Variants in CELF3 observed in about 807,000 individuals in gnomAD.
CELF3 encodes the protein CAG repeat domain.
In CELF3, 26 loss-of-function variants were observed where a neutral mutation model predicts 59.6. That is an observed-to-expected ratio of 0.44 (90% CI 0.32 to 0.61). The LOEUF is 0.61. Among genes scored for constraint, CELF3 ranks in the 20% least tolerant of loss-of-function variants. The pLI is 0.06. For synonymous variants in CELF3, 245 were observed against 250.7 expected, an observed-to-expected ratio of 0.98 and a Z score of 0.22; for missense variants, 387 against 627.2, an observed-to-expected ratio of 0.62 and a Z score of 4.09.
Position 151,707,667 on chromosome 1 carries a change from A to T in CELF3, c.631-19T>A. ...GCATCAGCTGGGGGGAGGGGAGAGG[A>T]GAGTGGGGCAGGCCCCCTGTGCCCA... On this transcript the variant is annotated intron_variant, in intron 6 of 12. Transcript: ENST00000290583. 2.2e-5 allele frequency: 36 copies of T among 1,601,702 alleles called. No homozygotes were observed. The highest frequency in any genetic ancestry group is 3.0e-5 in the Non-Finnish European group (35 of 1,176,264).
In CELF3 at chr1:151,702,061, C is replaced by T. The variant is rs1672111747; in HGVS notation, c.*1398G>A. 6.6e-6 allele frequency among the ~76,000 whole-genome samples: 1 copy of T among 152,238 alleles called. No homozygotes were observed. Among genetic ancestry groups the T allele is most frequent in the Non-Finnish European group, 1.5e-5 (1 of 68,042 alleles). ...TAGTAAATGGTGGTGTCACAACTGG[C>T]TCCCAGTATCCACACTGGCCTCTGT... On this transcript the variant is annotated 3_prime_UTR_variant, in exon 13 of 13. Transcript: ENST00000290583.
chr1:151,707,421 C>A lies in CELF3; in HGVS notation c.772+86G>T, dbSNP rs931378467. 7.0e-6 allele frequency: 11 copies of A among 1,568,940 alleles called. No homozygotes were observed. The Admixed American group carries it at 2.0e-4, about 29-fold the overall frequency. ...CTCTGACCCCTGAGTCCCTCCCAGACCCCGAGGCTTCCCTGAGCAATGCCC... is the reference window on the plus strand; with the variant it reads ...CTCTGACCCCTGAGTCCCTCCCAGAACCCGAGGCTTCCCTGAGCAATGCCC... On this transcript the variant is annotated intron_variant, in intron 7 of 12. Transcript: ENST00000290583.
Position 151,705,125 on chromosome 1 carries a change from G to A in CELF3, c.1314C>T (p.Ile438=), listed in dbSNP as rs1460969700. 1.2e-6 allele frequency: 2 copies of A among 1,614,006 alleles called. No individual in the cohort carries two copies. The highest frequency in any genetic ancestry group is 1.1e-5 in the South Asian group (1 of 91,068). The stretch of plus-strand genomic sequence containing the variant: ...CGATCTGGAAGCCATTCATGGCCTG[G>A]ATGGCAGCCTGGGCACTGGCCGGAT... ...FDNPASAQAA[I]QAMNGFQIGM... The change falls in exon 12 of 13, where the codon ATC becomes ATT. Residue 438 remains isoleucine (I), a synonymous_variant. Coordinates refer to ENST00000290583, the MANE Select transcript of CELF3 (RefSeq NM_007185.7). This position sits in a 1 kb window ranked among gnomAD's most constrained non-coding sequence, Gnocchi z 5.1.
At position 151,705,245 on chromosome 1, in the gene CELF3, T is replaced by G; in HGVS notation, c.1271-77A>C. 6.8e-7 allele frequency: 1 copy of G among 1,481,302 alleles called. No homozygotes were observed. Among genetic ancestry groups the G allele is most frequent in the East Asian group, 2.3e-5 (1 of 43,168 alleles). The allele number at this position is 1,481,302 out of a possible 1,614,324, so 91.8% of individuals were successfully genotyped here. The stretch of plus-strand genomic sequence containing the variant: ...GCTTAGGAGACCTCTGGCACTACCC[T>G]GTGTCTCCCAAGTGTCCCAAATGCC... On this transcript the variant is annotated intron_variant, in intron 11 of 12. Coordinates refer to ENST00000290583, the MANE Select transcript of CELF3 (RefSeq NM_007185.7). The surrounding 1 kb of genome is among the most constrained non-coding windows in gnomAD (Gnocchi z 5.1).
At chr1:151,708,301 C>A (rs538042802) in intron 5 of CELF3, 8 of 230,436 alleles carry the variant, frequency 3.5e-5, no homozygotes, top group African/African-American at 1.6e-4. Flanking sequence ...AGCTGCCCTG[C>A]GTGCCTTACC....
chr1:151,703,104 C>G lies in CELF3; in HGVS notation c.*355G>C, dbSNP rs766208349. 6.4e-5 allele frequency: 29 copies of G among 455,812 alleles called. No homozygotes were observed. The highest frequency in any genetic ancestry group is 1.1e-4 in the Non-Finnish European group (26 of 226,700). 28.2% of individuals were successfully genotyped at this position (455,812 alleles called of 1,614,324 possible). ...TCTCCTGGGGCCTGCACGGGTAGAACAGGCCCACTGTTGGGGGAGGCAAGT... is the reference window on the plus strand; with the variant it reads ...TCTCCTGGGGCCTGCACGGGTAGAAGAGGCCCACTGTTGGGGGAGGCAAGT... On this transcript the variant is annotated 3_prime_UTR_variant, in exon 13 of 13. Transcript: ENST00000290583.
Position 151,705,790 on chromosome 1 carries a change from A to G in CELF3, c.1270+32T>C, listed in dbSNP as rs762980314. ...ATTAGACCTTGTCCTGATTTGGAGTATGGCAAAAAATGTGCCATATCATAT... is the reference window on the plus strand; with the variant it reads ...ATTAGACCTTGTCCTGATTTGGAGTGTGGCAAAAAATGTGCCATATCATAT... On this transcript the variant is annotated intron_variant, in intron 11 of 12. Transcript: ENST00000290583. This position sits in a 1 kb window ranked among gnomAD's most constrained non-coding sequence, Gnocchi z 5.1. 1.2e-6 allele frequency: 2 copies of G among 1,610,878 alleles called. No homozygotes were observed. Among genetic ancestry groups the G allele is most frequent in the East Asian group, 2.2e-5 (1 of 44,824 alleles).
rs185408029 is a variant in CELF3, at chr1:151,700,761, G to A, written c.*2698C>T. 9.2e-5 allele frequency among the ~76,000 whole-genome samples: 14 copies of A among 152,328 alleles called. No individual in the cohort carries two copies. The highest frequency in any genetic ancestry group is 6.5e-4 in the Admixed American group (10 of 15,288). On this transcript the variant is annotated 3_prime_UTR_variant, in exon 13 of 13. Transcript: ENST00000290583. ...TGATTTAATACCATTGAGTTTATGCGAAAGTACTAAAAACTCTTGAGGTTT... is the reference window on the plus strand; with the variant it reads ...TGATTTAATACCATTGAGTTTATGCAAAAGTACTAAAAACTCTTGAGGTTT...
At position 151,715,927 on chromosome 1, in the gene CELF3, G is replaced by C; in HGVS notation, c.94C>G (p.Arg32Gly). ...TTGATGACAGTCAGCTCAAAGATCCGACCAAACTGTTCGAAGATGGGCTTC... is the reference window on the plus strand; with the variant it reads ...TTGATGACAGTCAGCTCAAAGATCCCACCAAACTGTTCGAAGATGGGCTTC... ...DLKPIFEQFG[R>G]IFELTVIKDK... Residue 32 changes from arginine (R) to glycine (G), a missense_variant, in exon 1 of 13, where the codon CGG becomes GGG. This residue lies in a region of CELF3 where 208 missense variants were observed against 354.8 expected (regional missense o/e 0.59). Coordinates refer to ENST00000290583, the MANE Select transcript of CELF3 (RefSeq NM_007185.7). The C allele has an allele frequency of 6.2e-7, 1 of 1,614,106 alleles. No individual in the cohort carries two copies. Among genetic ancestry groups the C allele is most frequent in the Non-Finnish European group, 8.5e-7 (1 of 1,180,002 alleles).
At position 151,700,937 on chromosome 1, in the gene CELF3, T is replaced by C. The variant is rs1054204811; in HGVS notation, c.*2522A>G. 8.5e-5 allele frequency: 13 copies of C among 152,340 alleles called. 1 individual carries two copies. In the East Asian group the frequency reaches 9.6e-4, roughly 11 times the overall value. The allele number at this position is 152,340 out of a possible 1,614,324, so 9.4% of individuals were successfully genotyped here. On this transcript the variant is annotated 3_prime_UTR_variant, in exon 13 of 13. Coordinates refer to ENST00000290583, the MANE Select transcript of CELF3 (RefSeq NM_007185.7). ...CTTATTTACTAAGCAATGTCTAATA[T>C]TTGGGGCACTGTTTAGGGTGACCAG...
At position 151,707,131 on chromosome 1, in the gene CELF3, G is replaced by A. The variant is rs1173679605; in HGVS notation, c.922+14C>T. ...ATGGTTGCTGGGACGGAGTGGGCAG[G>A]CAGAGAGTCCCACCTGGGTAGGGGT... On this transcript the variant is annotated intron_variant, in intron 8 of 12. Transcript: ENST00000290583. 3 of 1,471,718 alleles carry A rather than the reference G, an allele frequency of 2.0e-6. No individual in the cohort carries two copies. Among genetic ancestry groups the A allele is most frequent in the Admixed American group, 2.9e-5 (1 of 34,136 alleles). The allele number at this position is 1,471,718 out of a possible 1,614,324, so 91.2% of individuals were successfully genotyped here.
In CELF3 at chr1:151,708,725, G is replaced by A. The variant is rs565515300; in HGVS notation, c.486+273C>T. Reference sequence around the variant, plus strand: ...GATATGGGAAGGCTGGAGAAGAGACGGGGGTGAAGGGAGGGCTGGGGAATG... The same window carrying A: ...GATATGGGAAGGCTGGAGAAGAGACAGGGGTGAAGGGAGGGCTGGGGAATG... On this transcript the variant is annotated intron_variant, in intron 5 of 12. Coordinates refer to ENST00000290583, the MANE Select transcript of CELF3 (RefSeq NM_007185.7). Among the ~76,000 whole-genome samples, 40 of 152,060 alleles carry A rather than the reference G, an allele frequency of 2.6e-4. 1 individual carries two copies. The highest frequency in any genetic ancestry group is 9.2e-4 in the African/African-American group (38 of 41,450).
chr1:151,714,203 C>G (rs540073825), intron 2 of CELF3, among the ~76,000 whole-genome samples: 1 of 152,198 alleles, frequency 6.6e-6, no homozygotes, highest in East Asian at 1.9e-4. Flanking sequence ...TCACAGCCAC[C>G]CAGCCTGCCT....
In CELF3 at chr1:151,701,225, A is replaced by T. The variant is rs563072694; in HGVS notation, c.*2234T>A. ...GAGGAGACATGAGAGAAAGGGTGTAATCCAAGTTTTGGCTTGAGTAGGTAC... is the reference window on the plus strand; with the variant it reads ...GAGGAGACATGAGAGAAAGGGTGTATTCCAAGTTTTGGCTTGAGTAGGTAC... On this transcript the variant is annotated 3_prime_UTR_variant, in exon 13 of 13. Coordinates refer to ENST00000290583, the MANE Select transcript of CELF3 (RefSeq NM_007185.7). The T allele has an allele frequency of 4.2e-4, 64 of 152,316 alleles. No individual in the cohort carries two copies. The highest frequency in any genetic ancestry group is 1.5e-3 in the African/African-American group (64 of 41,556). 9.4% of individuals were successfully genotyped at this position (152,316 alleles called of 1,614,324 possible). A position where few individuals can be genotyped will look rare whatever the true frequency, so the allele number is the denominator to read the frequency against.
chr1:151,705,821 C>T lies in CELF3; in HGVS notation c.1270+1G>A. 1 of 1,613,976 alleles carries T rather than the reference C, an allele frequency of 6.2e-7. No homozygotes were observed. Among genetic ancestry groups the T allele is most frequent in the Non-Finnish European group, 8.5e-7 (1 of 1,179,954 alleles). ...AAAAATGTGCCATATCATATTCTTA[C>T]CAAAACATTTGCTTTGATTGGTGGC... On this transcript the variant is annotated splice_donor_variant, in intron 11 of 12. Coordinates refer to ENST00000290583, the MANE Select transcript of CELF3 (RefSeq NM_007185.7). LOFTEE classifies it high-confidence loss of function. This position sits in a 1 kb window ranked among gnomAD's most constrained non-coding sequence, Gnocchi z 5.1.
At chr1:151,706,539 G>A (rs1441834733) in intron 9 of CELF3, 130 bp downstream of exon 9, 4 of 1,228,878 alleles carry the variant, frequency 3.3e-6, no homozygotes, top group Non-Finnish European at 3.5e-6. Context: ...CCTCCCCACA[G>A]TTGGGCTTGT....
intron 10 of CELF3, 51 bp from the exon 11 acceptor site, chr1:151,706,016 AC>A: frequency 1.9e-6 from 3 of 1,607,118 alleles, no homozygotes; most frequent in Non-Finnish European, 2.6e-6. Context: ...GGAGGCACAC[AC>A]CCCAGAAGCA....
rs1386421123 is a variant in CELF3, at chr1:151,709,077, C to T, written c.407G>A (p.Gly136Asp). The stretch of plus-strand genomic sequence containing the variant: ...GGTCTGGAACTTCACGAAGGCGCAG[C>T]CTGGAGAGGTTGAGATGGAGGAGGA... ...VLRGPDGTSKGCAFVKFQTHA... is the reference protein window; with the variant it reads ...VLRGPDGTSKDCAFVKFQTHA... The change falls in exon 5 of 13, where the codon GGC becomes GAC. Residue 136 changes from glycine (G) to aspartate (D), a missense_variant and splice_region_variant. This residue lies in a region of CELF3 where 208 missense variants were observed against 354.8 expected (regional missense o/e 0.59). Coordinates refer to ENST00000290583, the MANE Select transcript of CELF3 (RefSeq NM_007185.7). This position sits in a 1 kb window ranked among gnomAD's most constrained non-coding sequence, Gnocchi z 4.9. 1 of 1,613,630 alleles carries T rather than the reference C, an allele frequency of 6.2e-7. No homozygotes were observed. The highest frequency in any genetic ancestry group is 8.5e-7 in the Non-Finnish European group (1 of 1,179,798).
intron 2 of CELF3, chr1:151,710,504 G>A (rs1407625358): frequency 2.8e-6 from 1 of 361,246 alleles, no homozygotes; most frequent in African/African-American, 2.2e-5. Flanking sequence ...TGCTGGGGGT[G>A]GAGGATTTGG....
Sources: allele counts gnomAD v4.1 joint callset (sites outside exome capture counted in the v4.1 genomes callset), GRCh38; gene constraint gnomAD v4.1.1; regional missense constraint gnomAD v4.1.1; non-coding constraint Gnocchi (gnomAD v3.1); transcripts MANE v1.5; gene names NCBI Gene and HGNC (gene_info 2026-07-23, HGNC 2026-07-21).